The following COL9A1 variants were observed in gnomAD, a reference collection of about 807,000 sequenced individuals.
COL9A1 encodes collagen type IX alpha 1 chain.
In COL9A1, 104 loss-of-function variants were observed where a neutral mutation model predicts 142.6. That is an observed-to-expected ratio of 0.73 (90% CI 0.62 to 0.86). The LOEUF (loss-of-function observed/expected upper bound fraction) is 0.86. Among genes scored for constraint, COL9A1 ranks in the 40% least tolerant of loss-of-function variants. The pLI is 0.00. For missense variants in COL9A1, 1,210 were observed against 1,176.6 expected (o/e 1.03, Z -0.42); for synonymous variants, 466 against 396.0 (o/e 1.18, Z -2.10).
Position 70,302,053 on chromosome 6 carries a change from A to C in COL9A1, c.36T>G (p.Phe12Leu). The C allele has an allele frequency of 3.1e-6, 5 of 1,611,836 alleles. No individual in the cohort carries two copies. The highest frequency in any genetic ancestry group is 4.2e-6 in the Non-Finnish European group (5 of 1,179,100). The change falls in exon 2 of 38, where the codon TTT becomes TTG. Residue 12 changes from phenylalanine to leucine, a missense_variant. Transcript: ENST00000357250. ...CCCAGGGTTCCAGGAAACTGCACACAAAGAAGAAAACTGGAATTTTCCTGA... is the reference window on the plus strand; with the variant it reads ...CCCAGGGTTCCAGGAAACTGCACACCAAGAAGAAAACTGGAATTTTCCTGA... ...KTCWKIPVFF[F>L]VCSFLEPWAS...
At chr6:70,301,879 G>T in intron 2 of COL9A1, 122 bp downstream of exon 2, 1 of 798,758 alleles carries the variant, frequency 1.3e-6, no homozygotes, top group Non-Finnish European at 2.1e-6. Context: ...CCCAAAGCTG[G>T]ATTGAAGAGT....
In COL9A1 at chr6:70,216,485, T is replaced by C. The variant is rs186882898; in HGVS notation, c.*412A>G. On this transcript the variant is annotated 3_prime_UTR_variant, in exon 38 of 38. Transcript: ENST00000357250. ...ATCCTCTATATAACTGAAACAATAA[T>C]CTGAGAACAACTTCTAAATGAAAAT... 7.2e-5 allele frequency: 16 copies of C among 222,008 alleles called. No homozygotes were observed. Among genetic ancestry groups the C allele is most frequent in the African/African-American group, 3.5e-4 (15 of 43,418 alleles). The allele number at this position is 222,008 out of a possible 1,614,324, so 13.8% of individuals were successfully genotyped here.
intron 25 of COL9A1, 42 bp downstream of exon 25, chr6:70,254,434 A>T (rs751356459): frequency 6.3e-7 from 1 of 1,581,812 alleles, no homozygotes; most frequent in East Asian, 2.2e-5. Context: ...TCTTTAAAAC[A>T]TGTATATAAA....
At chr6:70,272,345 CAAAGT>C (rs1772462168) in intron 12 of COL9A1, among the ~76,000 whole-genome samples, 1 of 151,428 alleles carries the variant, frequency 6.6e-6, no homozygotes, top group East Asian at 1.9e-4. Context: ...TTAAGGAAAT[CAAAGT>C]AAAGAAGCCT....
chr6:70,248,717 G>A (rs1176308733), intron 28 of COL9A1, among the ~76,000 whole-genome samples: 2 of 152,090 alleles, frequency 1.3e-5, no homozygotes, highest in African/African-American at 2.4e-5. Context: ...GATTTATTAC[G>A]CCTCCGATTC....
rs540477639 is a variant in COL9A1 at position 70,235,911 on chromosome 6, G to A, written c.2113-971C>T. Among the ~76,000 whole-genome samples, 100 of 152,006 alleles carry A rather than the reference G, an allele frequency of 6.6e-4. 3 individuals are homozygous for A. The highest frequency in any genetic ancestry group is 4.8e-3 in the South Asian group (23 of 4,806). On this transcript the variant is annotated intron_variant, in intron 33 of 37. Transcript: ENST00000357250. ...GGGCGGATCACGAGGTCAGGAGATC[G>A]AGACCATCCTGGCTAACACGGTGAA...
chr6:70,256,815 G>A lies in COL9A1; in HGVS notation c.1456C>T (p.Arg486Trp), dbSNP rs752641733. 2.0e-5 allele frequency: 33 copies of A among 1,613,156 alleles called. No homozygotes were observed. The South Asian group carries it at 2.4e-4, about 12-fold the overall frequency. Residue 486 changes from arginine (R) to tryptophan (W), a missense_variant, in exon 21 of 38, where the codon CGG becomes TGG. Coordinates refer to ENST00000357250, the MANE Select transcript of COL9A1 (RefSeq NM_001851.6). ...IVGDKGEKGA[R>W]GLDGEPGPQG... ...GGCCCAGGTTCACCATCTAAGCCCC[G>A]AGCACCCTGCAAAAAAACAAGACAA...
chr6:70,256,839 A>G lies in COL9A1; in HGVS notation c.1450-18T>C. 6.2e-7 allele frequency: 1 copy of G among 1,613,242 alleles called. No individual in the cohort carries two copies. The highest frequency in any genetic ancestry group is 1.1e-5 in the South Asian group (1 of 90,988). ...CGAGCACCCTGCAAAAAAACAAGAC[A>G]ATGGAAAAAAACTGAGATCAGTCAT... is the stretch of plus-strand genomic sequence containing the variant. On this transcript the variant is annotated intron_variant, in intron 20 of 37. Coordinates refer to ENST00000357250, the MANE Select transcript of COL9A1 (RefSeq NM_001851.6).
intron 4 of COL9A1, among the ~76,000 whole-genome samples, chr6:70,297,015 G>A (rs3806105): frequency 0.18 from 26,905 of 151,912 alleles, 3,445 homozygotes; most frequent in East Asian, 0.46. Flanking sequence ...TTTTGTTTCA[G>A]TTCTGGAAGT....
In COL9A1 at chr6:70,294,911, G is replaced by T. The variant is rs77864029; in HGVS notation, c.300-348C>A. On this transcript the variant is annotated intron_variant, in intron 4 of 37. Transcript: ENST00000357250. Reference sequence around the variant, plus strand: ...CAGCCAAAAAATACATTCTTGCAAAGTTCTTGGCAATATTTCATTCACAAG... The same window carrying T: ...CAGCCAAAAAATACATTCTTGCAAATTTCTTGGCAATATTTCATTCACAAG... Among the ~76,000 whole-genome samples, 93 of 152,258 alleles carry T rather than the reference G, an allele frequency of 6.1e-4. 1 individual carries two copies. In the East Asian group the frequency reaches 0.015, roughly 25 times the overall value.
At chr6:70,261,427 G>A (rs9354911) in intron 19 of COL9A1, among the ~76,000 whole-genome samples, 20,007 of 152,174 alleles carry the variant, frequency 0.13, 1,581 homozygotes, top group Non-Finnish European at 0.18. Context: ...GAGTGAGCTT[G>A]GGAATACCCT....
chr6:70,286,693 C>A (rs779914455), intron 5 of COL9A1, among the ~76,000 whole-genome samples: 3 of 152,342 alleles, frequency 2.0e-5, no homozygotes, highest in South Asian at 2.1e-4. Context: ...CCAAGTGAAG[C>A]TTCCTGATTA....
At chr6:70,222,737 A>C (rs924133834) in intron 37 of COL9A1, 1 of 140,900 alleles carries the variant, frequency 7.1e-6, no homozygotes, top group African/African-American at 2.5e-5. Context: ...TGATCCAACT[A>C]TCTTTTTTTT....
chr6:70,224,291 C>T (rs1769086502), intron 37 of COL9A1, among the ~76,000 whole-genome samples: 1 of 152,104 alleles, frequency 6.6e-6, no homozygotes, highest in Non-Finnish European at 1.5e-5. Flanking sequence ...GTTTGCGCCC[C>T]CCATCAACTT....
intron 13 of COL9A1, 136 bp from the exon 14 acceptor site, chr6:70,271,844 G>T: frequency 1.0e-6 from 1 of 1,000,058 alleles, no homozygotes; most frequent in South Asian, 1.5e-5. Context: ...TAACTCATTT[G>T]ACCAAACTTT....
intron 5 of COL9A1, among the ~76,000 whole-genome samples, chr6:70,290,812 G>A (rs1773630532): frequency 6.6e-6 from 1 of 152,126 alleles, no homozygotes; most frequent in South Asian, 2.1e-4. Context: ...AATGTAGAGT[G>A]TCAAAGATTA....
intron 2 of COL9A1, 90 bp downstream of exon 2, chr6:70,301,911 T>A: frequency 2.0e-6 from 2 of 1,009,322 alleles, no homozygotes; most frequent in East Asian, 2.6e-5. Context: ...GGACTATGAA[T>A]GCCTCACTCA....
intron 10 of COL9A1, among the ~76,000 whole-genome samples, 180 bp downstream of exon 10, chr6:70,280,632 T>A (rs1224200501): frequency 2.6e-5 from 4 of 152,136 alleles, no homozygotes; most frequent in Non-Finnish European, 1.5e-5. Flanking sequence ...CCTTCACAAG[T>A]CCTTTTGCAA....
At chr6:70,239,179 A>G in intron 33 of COL9A1, 75 bp downstream of exon 33, 2 of 970,376 alleles carry the variant, frequency 2.1e-6, no homozygotes, top group Non-Finnish European at 3.2e-6. Context: ...GATTTCATAA[A>G]GCAGAATATT....
Sources: gnomAD v4.1 joint callset for allele counts (sites outside exome capture counted in the v4.1 genomes callset) on GRCh38, gnomAD v4.1.1 for gene constraint, MANE v1.5 for transcripts, NCBI Gene and HGNC (gene_info 2026-07-23, HGNC 2026-07-21) for gene names.